Variants in VAC14 observed in about 807,000 individuals in gnomAD.
VAC14 encodes protein VAC14 homolog.
A neutral mutation model predicts 85.3 loss-of-function variants in VAC14; 47 were observed. The observed-to-expected ratio is 0.55, with a 90% confidence interval of 0.44 to 0.70. The LOEUF (loss-of-function observed/expected upper bound fraction) is 0.70. VAC14 is among the 30% of genes least tolerant of loss of function. The pLI is 0.00. For missense variants in VAC14, 861 were observed against 1,004.3 expected (o/e 0.86, Z 1.93); for synonymous variants, 447 against 430.5 (o/e 1.04, Z -0.47).
At chr16:70,752,733 C>A (rs1434302072) in intron 12 of VAC14, among the ~76,000 whole-genome samples, 3 of 152,374 alleles carry the variant, frequency 2.0e-5, no homozygotes, top group Non-Finnish European at 1.5e-5. Context: ...GGCCTCGCTT[C>A]CAATCTGCTG....
chr16:70,762,631 CCG>C lies in VAC14; in HGVS notation c.1306-28_1306-27del, dbSNP rs1567580296. ...CTGGAGGGCAGAGAAGCAGGGGTGC[CCG>C]TGAGTGCTCCCTTCGCCCCGGGACT... On this transcript the variant is annotated intron_variant, in intron 11 of 18. Coordinates refer to ENST00000261776, the MANE Select transcript of VAC14 (RefSeq NM_018052.5). This position sits in a 1 kb window ranked among gnomAD's most constrained non-coding sequence, Gnocchi z 4.1. 1.2e-6 allele frequency: 2 copies of C among 1,612,946 alleles called. No homozygotes were observed. Among genetic ancestry groups the C allele is most frequent in the Non-Finnish European group, 1.7e-6 (2 of 1,179,168 alleles).
At chr16:70,764,953 C>A (rs1256802699) in intron 10 of VAC14, among the ~76,000 whole-genome samples, 1 of 152,200 alleles carries the variant, frequency 6.6e-6, no homozygotes, top group Admixed American at 6.5e-5. Context: ...TCCTGCAGAG[C>A]TCCTTCCCTT....
chr16:70,771,926 G>C (rs148430398), intron 10 of VAC14, 183 bp downstream of exon 10: 6,267 of 596,938 alleles, frequency 0.01, 54 homozygotes, highest in Non-Finnish European at 0.013. Flanking sequence ...AGCCTGGGTG[G>C]GGTGGGCTTG....
chr16:70,755,939 CG>C, intron 12 of VAC14: 2 of 450,892 alleles, frequency 4.4e-6, no homozygotes, highest in Non-Finnish European at 8.9e-6. Context: ...CAGCACAGCT[CG>C]GGGGTTTGGG....
chr16:70,793,552 C>T (rs941486944), intron 1 of VAC14, among the ~76,000 whole-genome samples: 2 of 152,172 alleles, frequency 1.3e-5, no homozygotes, highest in African/African-American at 2.4e-5. Context: ...GCACAGCTAC[C>T]ACCAGCTGGG....
intron 13 of VAC14, among the ~76,000 whole-genome samples, chr16:70,737,897 C>A (rs1386067078): frequency 1.3e-5 from 2 of 152,214 alleles, no homozygotes; most frequent in East Asian, 3.9e-4. Context: ...CCAGCAGGGT[C>A]CCTGCTCCAC....
At chr16:70,791,015 C>G (rs1397734432) in intron 1 of VAC14, among the ~76,000 whole-genome samples, 1 of 152,216 alleles carries the variant, frequency 6.6e-6, no homozygotes, top group Non-Finnish European at 1.5e-5. Flanking sequence ...TTCCACGAAT[C>G]AAGCCTACCC....
chr16:70,697,351 G>C, intron 15 of VAC14, 94 bp from the exon 16 acceptor site: 1 of 1,000,264 alleles, frequency 1.0e-6, no homozygotes, highest in Non-Finnish European at 1.5e-6. Flanking sequence ...ACAGGTCTAA[G>C]TCCCAGGGGC....
At chr16:70,790,233 G>C (rs1466598979) in intron 1 of VAC14, among the ~76,000 whole-genome samples, 1 of 152,230 alleles carries the variant, frequency 6.6e-6, no homozygotes, top group East Asian at 1.9e-4. Flanking sequence ...CTCTATAAGG[G>C]TCAGCATTGT....
At chr16:70,771,803 A>G in intron 10 of VAC14, 3 of 284,668 alleles carry the variant, frequency 1.1e-5, no homozygotes, top group South Asian at 1.3e-4. Flanking sequence ...CTGGTCTTAA[A>G]CTCCTGAGCT....
At chr16:70,793,233 G>A (rs934566649) in intron 1 of VAC14, among the ~76,000 whole-genome samples, 2 of 152,226 alleles carry the variant, frequency 1.3e-5, no homozygotes, top group Admixed American at 1.3e-4. Context: ...GTTTTGAAAT[G>A]AGGCTCTAGC....
chr16:70,770,257 G>A (rs889403372), intron 10 of VAC14: 1 of 152,270 alleles, frequency 6.6e-6, no homozygotes, highest in African/African-American at 2.4e-5. Context: ...TGAGTCCTGT[G>A]GTTCTCAACA....
At position 70,776,395 on chromosome 16, in the gene VAC14, C is replaced by T. The variant is rs560405368; in HGVS notation, c.1097-4223G>A. On this transcript the variant is annotated intron_variant, in intron 9 of 18. Coordinates refer to ENST00000261776, the MANE Select transcript of VAC14 (RefSeq NM_018052.5). ...AAAGTATTGGGATTACAGGCATGAGCCACTGCACCTGGCCCATTTGTTACA... is the reference window on the plus strand; with the variant it reads ...AAAGTATTGGGATTACAGGCATGAGTCACTGCACCTGGCCCATTTGTTACA... Among the ~76,000 whole-genome samples, 42 of 152,318 alleles carry T rather than the reference C, an allele frequency of 2.8e-4. No homozygotes were observed. The South Asian group carries it at 8.7e-3, about 32-fold the overall frequency.
intron 9 of VAC14, among the ~76,000 whole-genome samples, chr16:70,774,409 G>A (rs2033407067): frequency 6.6e-6 from 1 of 152,192 alleles, no homozygotes; most frequent in Non-Finnish European, 1.5e-5. Flanking sequence ...CCTATCGGGG[G>A]AACGTGTTGT....
chr16:70,783,494 C>T lies in VAC14; in HGVS notation c.655G>A (p.Asp219Asn). The change falls in exon 6 of 19, where the codon GAT becomes AAT. Residue 219 changes from aspartate to asparagine, a missense_variant. This residue lies in a region of VAC14 where 629 missense variants were observed against 703.1 expected (regional missense o/e 0.89). Transcript: ENST00000261776. ...TCACCCAGGATCTGGAAGAGTCCATCCAGGATCTCCGGCAGGTAATCCAGC... is the reference window on the plus strand; with the variant it reads ...TCACCCAGGATCTGGAAGAGTCCATTCAGGATCTCCGGCAGGTAATCCAGC... Reference protein sequence around the residue: ...NLLDYLPEILDGLFQILGDNG... With the variant: ...NLLDYLPEILNGLFQILGDNG... The T allele has an allele frequency of 6.2e-7, 1 of 1,614,114 alleles. No homozygotes were observed. The highest frequency in any genetic ancestry group is 8.5e-7 in the Non-Finnish European group (1 of 1,180,036).
intron 18 of VAC14, chr16:70,688,534 T>C: frequency 1.0e-6 from 1 of 986,480 alleles, no homozygotes; most frequent in Non-Finnish European, 1.2e-6. Flanking sequence ...AAATGGGAAT[T>C]GCTGAAGAGC....
At chr16:70,693,503 C>T (rs1402618122) in intron 17 of VAC14, among the ~76,000 whole-genome samples, 3 of 152,232 alleles carry the variant, frequency 2.0e-5, no homozygotes, top group Non-Finnish European at 4.4e-5. Flanking sequence ...TAGCGAGACA[C>T]ACACCAAAGC....
chr16:70,737,551 C>T (rs542318513), intron 13 of VAC14, among the ~76,000 whole-genome samples: 21 of 152,274 alleles, frequency 1.4e-4, no homozygotes, highest in African/African-American at 4.8e-4. Context: ...CTGGTTTGGG[C>T]AAGTGAGGAG....
rs1644132190 is a variant in VAC14, at chr16:70,692,998, G to C, written c.2036-27C>G. 3 of 1,601,364 alleles carry C rather than the reference G, an allele frequency of 1.9e-6. No homozygotes were observed. In the Admixed American group the frequency reaches 5.1e-5, roughly 27 times the overall value. ...TGGGGTAGGCAGAGGGCAGGGGTCA[G>C]GGACCTGGCACTGCTCTGGGACACG... On this transcript the variant is annotated intron_variant, in intron 17 of 18. Transcript: ENST00000261776.
Sources: allele counts gnomAD v4.1 joint callset (sites outside exome capture counted in the v4.1 genomes callset), GRCh38; gene constraint gnomAD v4.1.1; regional missense constraint gnomAD v4.1.1; non-coding constraint Gnocchi (gnomAD v3.1); transcripts MANE v1.5; gene names NCBI Gene and HGNC (gene_info 2026-07-23, HGNC 2026-07-21).